Variants in ANKRD27 observed in about 807,000 individuals in gnomAD.
ANKRD27 encodes the protein ankyrin repeat domain 27.
Under a neutral mutation model 129.7 loss-of-function variants are expected in ANKRD27, and 112 were observed. That is an observed-to-expected ratio of 0.86 (90% CI 0.74 to 1.01). The LOEUF is 1.01. ANKRD27 is among the 50% of genes least tolerant of loss of function. The pLI is 0.00. For missense variants in ANKRD27, 1,258 were observed against 1,300.5 expected, an observed-to-expected ratio of 0.97 and a Z score of 0.50; for synonymous variants, 516 against 511.2, an observed-to-expected ratio of 1.01 and a Z score of -0.13.
At chr19:32,653,384 T>G (rs2145312057) in intron 2 of ANKRD27, among the ~76,000 whole-genome samples, 1 of 152,188 alleles carries the variant, frequency 6.6e-6, no homozygotes, top group Admixed American at 6.5e-5. Flanking sequence ...GAAATTTTTG[T>G]TTTTCCTGTA....
At chr19:32,623,607 C>T (rs1465601472) in intron 17 of ANKRD27, among the ~76,000 whole-genome samples, 2 of 150,590 alleles carry the variant, frequency 1.3e-5, no homozygotes, top group Non-Finnish European at 2.9e-5. Context: ...TGGAGTACAG[C>T]AGTGCAATCT....
intron 3 of ANKRD27, among the ~76,000 whole-genome samples, chr19:32,647,567 A>G (rs1967326864): frequency 6.6e-6 from 1 of 152,218 alleles, no homozygotes; most frequent in Admixed American, 6.5e-5. Context: ...CTGTGTTCAG[A>G]TGCGGCAGCT....
At chr19:32,599,848 G>A in intron 27 of ANKRD27, 72 bp from the exon 28 acceptor site, 1 of 1,562,542 alleles carries the variant, frequency 6.4e-7, no homozygotes. Flanking sequence ...CCACAAGGTG[G>A]CAGCATTTTT....
At chr19:32,610,483 TAA>T (rs35230573) in intron 22 of ANKRD27, among the ~76,000 whole-genome samples, 23,173 of 107,554 alleles carry the variant, frequency 0.22, 2,537 homozygotes, top group African/African-American at 0.36. Context: ...AGACCGTCTC[TAA>T]AAAAAAAAAA....
chr19:32,673,362 A>G, intron 1 of ANKRD27: 1 of 985,056 alleles, frequency 1.0e-6, no homozygotes, highest in Non-Finnish European at 1.2e-6. Flanking sequence ...TGCCTCCTGG[A>G]TCTGCCCCCT....
chr19:32,614,570 T>A (rs1971884146), intron 22 of ANKRD27, among the ~76,000 whole-genome samples: 1 of 151,984 alleles, frequency 6.6e-6, no homozygotes. Flanking sequence ...CTGGGCGTGG[T>A]GGTGGGTGCT....
chr19:32,643,460 G>C lies in ANKRD27; in HGVS notation c.610C>G (p.Gln204Glu), dbSNP rs143320641. The C allele has an allele frequency of 3.2e-5, 52 of 1,613,724 alleles. No individual in the cohort carries two copies. In the East Asian group the frequency reaches 1.1e-3, roughly 35 times the overall value. ...ACTGCCTGCTTCATCAGGTTCATCTGGGCCTCCTGCTTGGCGAGCATTTTC... is the reference window on the plus strand; with the variant it reads ...ACTGCCTGCTTCATCAGGTTCATCTCGGCCTCCTGCTTGGCGAGCATTTTC... Reference protein sequence around the residue: ...HLKMLAKQEAQMNLMKQAVEI... With the variant: ...HLKMLAKQEAEMNLMKQAVEI... Residue 204 changes from glutamine (Q) to glutamate (E), a missense_variant, in exon 7 of 29, where the codon CAG (glutamine) becomes GAG (glutamate). Transcript: ENST00000306065.
At chr19:32,663,710 A>G (rs536965331) in intron 1 of ANKRD27, among the ~76,000 whole-genome samples, 1 of 152,198 alleles carries the variant, frequency 6.6e-6, no homozygotes. Context: ...AATTATGTAT[A>G]TATTACATAG....
intron 10 of ANKRD27, among the ~76,000 whole-genome samples, chr19:32,641,301 T>G (rs1295367310): frequency 6.6e-6 from 1 of 151,968 alleles, no homozygotes. Context: ...GTGGCTTCAG[T>G]GATAAAAAAT....
chr19:32,618,120 G>A (rs1971949903), intron 20 of ANKRD27, among the ~76,000 whole-genome samples: 1 of 147,346 alleles, frequency 6.8e-6, no homozygotes, highest in African/African-American at 2.5e-5. Flanking sequence ...GGAAGTTGCT[G>A]GTGTGCGCAG....
At chr19:32,612,859 G>A (rs1954919858) in intron 22 of ANKRD27, among the ~76,000 whole-genome samples, 1 of 152,030 alleles carries the variant, frequency 6.6e-6, no homozygotes, top group African/African-American at 2.4e-5. Context: ...AAAAAAACAG[G>A]AGAAAGTTGG....
At chr19:32,652,860 G>A (rs567265501) in intron 2 of ANKRD27, among the ~76,000 whole-genome samples, 8 of 151,310 alleles carry the variant, frequency 5.3e-5, no homozygotes, top group East Asian at 3.9e-4. Context: ...TCCAGGAGGT[G>A]GAGGTTGCAG....
In ANKRD27 at chr19:32,644,317, C is replaced by A; in HGVS notation, c.525+8G>T. 6.2e-7 allele frequency: 1 copy of A among 1,611,072 alleles called. No homozygotes were observed. Among genetic ancestry groups the A allele is most frequent in the Non-Finnish European group, 8.5e-7 (1 of 1,178,590 alleles). On this transcript the variant is annotated splice_region_variant and intron_variant, in intron 5 of 28. Transcript: ENST00000306065. ...GCACGCCAGGCAGAGGACAGCACGG[C>A]TACTGACTATGTGGTGACGGAGGCT...
chr19:32,619,304 A>G lies in ANKRD27; in HGVS notation c.1963T>C (p.Ser655Pro), dbSNP rs768115165. The G allele has an allele frequency of 6.2e-7, 1 of 1,613,694 alleles. No homozygotes were observed. The highest frequency in any genetic ancestry group is 8.5e-7 in the Non-Finnish European group (1 of 1,179,852). ...ESSTSSFSSM[S>P]ASSRQEETKK... ...GTCTCCTCCTGCCTTGAGCTGGCTG[A>G]CATGGAGGAGAAGCTGGAAGTGGAG... Residue 655 changes from serine (S) to proline (P), a missense_variant, in exon 20 of 29, where the codon TCA becomes CCA. Ser to Pro is a moderately conservative substitution (Grantham distance 74). Transcript: ENST00000306065.
chr19:32,661,796 T>G (rs1308455746), intron 1 of ANKRD27, among the ~76,000 whole-genome samples: 2 of 152,314 alleles, frequency 1.3e-5, no homozygotes, highest in East Asian at 1.9e-4. Flanking sequence ...TACAGAAATT[T>G]GCAACCTGTG....
chr19:32,644,295 C>T (rs759355606), intron 5 of ANKRD27, 30 bp downstream of exon 5: 28 of 1,600,780 alleles, frequency 1.7e-5, no homozygotes, highest in South Asian at 2.2e-5. Context: ...AGACAGGGCA[C>T]GCCAGGCAGA....
intron 22 of ANKRD27, among the ~76,000 whole-genome samples, chr19:32,613,421 C>T (rs969144605): frequency 6.6e-6 from 1 of 152,196 alleles, no homozygotes; most frequent in African/African-American, 2.4e-5. Context: ...TATGACTCCA[C>T]AATTGCACTC....
chr19:32,625,858 A>T lies in ANKRD27; in HGVS notation c.1629+16T>A. 1 of 1,565,476 alleles carries T rather than the reference A, an allele frequency of 6.4e-7. No individual in the cohort carries two copies. The highest frequency in any genetic ancestry group is 8.6e-7 in the Non-Finnish European group (1 of 1,159,370). ...AGGGTGAACGCAGCCCCCCCGGAAC[A>T]GCAAGAGCCACTCACGTCCTCGTGG... On this transcript the variant is annotated intron_variant, in intron 17 of 28. Transcript: ENST00000306065.
intron 2 of ANKRD27, among the ~76,000 whole-genome samples, chr19:32,653,449 T>C (rs1246023697): frequency 6.6e-6 from 1 of 152,168 alleles, no homozygotes; most frequent in African/African-American, 2.4e-5. Context: ...CTTTCAACTC[T>C]GCACTAAAGC....
Sources: allele counts gnomAD v4.1 joint callset (sites outside exome capture counted in the v4.1 genomes callset), GRCh38; gene constraint gnomAD v4.1.1; transcripts MANE v1.5; gene names NCBI Gene and HGNC (gene_info 2026-07-23, HGNC 2026-07-21).